The following STK32A variants were observed in gnomAD, a reference collection of about 807,000 sequenced individuals.
The protein encoded by STK32A is serine/threonine kinase 32A.
A neutral mutation model predicts 53.2 loss-of-function variants in STK32A; 41 were observed. The ratio of observed to expected loss-of-function variants is 0.77; its 90% CI spans 0.60 to 1.00. The LOEUF is 1.00. STK32A is among the 50% of genes least tolerant of loss of function. The pLI is 0.00. For missense variants in STK32A, 458 were observed against 485.8 expected, an observed-to-expected ratio of 0.94 and a Z score of 0.54; for synonymous variants, 166 against 162.8, an observed-to-expected ratio of 1.02 and a Z score of -0.15.
At chr5:147,342,811 C>T (rs1755495197) in intron 5 of STK32A, 195 bp from the exon 6 acceptor site, 1 of 560,780 alleles carries the variant, frequency 1.8e-6, no homozygotes, top group Non-Finnish European at 3.2e-6. Context: ...TTGGGTTAAG[C>T]TTCAGTTTTC....
intron 4 of STK32A, among the ~76,000 whole-genome samples, chr5:147,300,842 T>C (rs1257923167): frequency 6.6e-6 from 1 of 152,182 alleles, no homozygotes; most frequent in African/African-American, 2.4e-5. Context: ...CAGTACTACT[T>C]TGAATGACAG....
At chr5:147,367,071 GT>G (rs879347437) in intron 8 of STK32A, among the ~76,000 whole-genome samples, 78 of 148,272 alleles carry the variant, frequency 5.3e-4, no homozygotes, top group East Asian at 1.8e-3. Context: ...GTATTTAACT[GT>G]TTTTTTTTTC....
chr5:147,247,501 TA>T (rs2151940811), intron 2 of STK32A, among the ~76,000 whole-genome samples: 2 of 152,362 alleles, frequency 1.3e-5, no homozygotes, highest in East Asian at 3.9e-4. Context: ...GGCATATTTA[TA>T]GTAAAATAAA....
At chr5:147,260,203 TCTCTCTCTC>T (rs1754476098) in intron 2 of STK32A, among the ~76,000 whole-genome samples, 3 of 58,314 alleles carry the variant, frequency 5.1e-5, no homozygotes. Context: ...CTCTCTCTCC[TCTCTCTCTC>T]CTCTCTCTCT....
chr5:147,356,208 G>A (rs752038264), intron 7 of STK32A, among the ~76,000 whole-genome samples: 7 of 152,066 alleles, frequency 4.6e-5, no homozygotes, highest in African/African-American at 1.7e-4. Flanking sequence ...GAAACATGCC[G>A]TGCCTGAGAC....
At chr5:147,316,858 C>CA (rs1561714995) in intron 4 of STK32A, among the ~76,000 whole-genome samples, 10 of 21,090 alleles carry the variant, frequency 4.7e-4, no homozygotes, top group South Asian at 1.4e-3. Flanking sequence ...CTGTTTCTGG[C>CA]GAAAAAAAAA....
At chr5:147,236,735 G>A (rs936443848) in intron 1 of STK32A, among the ~76,000 whole-genome samples, 1 of 152,132 alleles carries the variant, frequency 6.6e-6, no homozygotes, top group Non-Finnish European at 1.5e-5. Flanking sequence ...GGTCCGTGGT[G>A]AACAAAATTG....
At chr5:147,314,467 C>T (rs1185370458) in intron 4 of STK32A, among the ~76,000 whole-genome samples, 2 of 129,474 alleles carry the variant, frequency 1.5e-5, no homozygotes, top group Non-Finnish European at 1.6e-5. Context: ...CATTGCACTC[C>T]AGCCTGGGCA....
chr5:147,272,075 T>G (rs901290749), intron 2 of STK32A, among the ~76,000 whole-genome samples: 16 of 152,114 alleles, frequency 1.1e-4, no homozygotes, highest in African/African-American at 3.6e-4. Flanking sequence ...GCCTTAAAAT[T>G]TCTCTCTTTT....
intron 2 of STK32A, among the ~76,000 whole-genome samples, chr5:147,257,111 T>TG (rs1463594034): frequency 2.6e-5 from 4 of 152,046 alleles, no homozygotes; most frequent in Non-Finnish European, 4.4e-5. Context: ...AGCTGACAGC[T>TG]GGGGGGAGGG....
At chr5:147,318,571 C>T (rs1012051632) in intron 4 of STK32A, among the ~76,000 whole-genome samples, 1 of 149,128 alleles carries the variant, frequency 6.7e-6, no homozygotes, top group African/African-American at 2.5e-5. Context: ...TTGAGACCAG[C>T]GTGGACAACA....
chr5:147,319,729 C>G (rs1754205262), intron 4 of STK32A, among the ~76,000 whole-genome samples: 2 of 152,154 alleles, frequency 1.3e-5, no homozygotes, highest in Non-Finnish European at 2.9e-5. Context: ...TCTCTTCTAA[C>G]AAGGGCTAAT....
intron 4 of STK32A, among the ~76,000 whole-genome samples, chr5:147,286,195 G>A (rs1229225515): frequency 6.6e-6 from 1 of 151,964 alleles, no homozygotes; most frequent in Non-Finnish European, 1.5e-5. Flanking sequence ...AACATCATAT[G>A]TTCTCACTGA....
At chr5:147,317,710 A>G (rs1754076451) in intron 4 of STK32A, among the ~76,000 whole-genome samples, 1 of 152,170 alleles carries the variant, frequency 6.6e-6, no homozygotes, top group Non-Finnish European at 1.5e-5. Flanking sequence ...AAAGACTGCC[A>G]CATACATCAA....
chr5:147,393,173 C>T, the STK32A span: 2 of 152,192 alleles, frequency 1.3e-5, no homozygotes, highest in Non-Finnish European at 2.9e-5. Context: ...TGGGTGCCCT[C>T]ACCACGTGGG....
At chr5:147,275,431 T>A (rs1446258227) in intron 2 of STK32A, among the ~76,000 whole-genome samples, 2 of 151,958 alleles carry the variant, frequency 1.3e-5, no homozygotes, top group African/African-American at 4.8e-5. Context: ...AGGTTCAAGT[T>A]CCCCCTGCCT....
rs574461115 is a variant in STK32A at position 147,265,122 on chromosome 5, A to G, written c.53-13002A>G. Among the ~76,000 whole-genome samples, 265 of 135,738 alleles carry G rather than the reference A, an allele frequency of 2.0e-3. 1 individual carries two copies. The highest frequency in any genetic ancestry group is 7.2e-3 in the African/African-American group (257 of 35,876). The allele number at this position is 135,738 out of a possible 152,430, so 89.0% of individuals were successfully genotyped here. On this transcript the variant is annotated intron_variant, in intron 2 of 12. Coordinates refer to ENST00000397936, the MANE Select transcript of STK32A (RefSeq NM_001112724.2). ...GTATATATATATATCTTACAATTAT[A>G]TATACAATTTTATATATTTTTATAT...
chr5:147,257,483 T>C (rs1400649712), intron 2 of STK32A, among the ~76,000 whole-genome samples: 2 of 152,150 alleles, frequency 1.3e-5, no homozygotes, highest in Non-Finnish European at 1.5e-5. Context: ...AATAACTAGA[T>C]GGTCAGCAAT....
the STK32A span, chr5:147,393,752 A>C: frequency 2.4e-6 from 1 of 415,552 alleles, no homozygotes; most frequent in Non-Finnish European, 4.5e-6. Context: ...TCTCAACACT[A>C]TGATAGAGCA....
Sources: gnomAD v4.1 joint callset for allele counts (sites outside exome capture counted in the v4.1 genomes callset) on GRCh38, gnomAD v4.1.1 for gene constraint, MANE v1.5 for transcripts, NCBI Gene and HGNC (gene_info 2026-07-23, HGNC 2026-07-21) for gene names.